The following SPIDR variants were observed in gnomAD, a reference collection of about 807,000 sequenced individuals.
SPIDR encodes the protein DNA repair-scaffolding protein.
SPIDR carries 93 observed loss-of-function variants against 104.6 expected under a neutral mutation model. The observed-to-expected ratio is 0.89, with a 90% CI of 0.75 to 1.06. SPIDR has a LOEUF of 1.06. Ranked by LOEUF, SPIDR falls within the 50% of genes least tolerant of loss-of-function variation. The pLI, the probability that SPIDR is intolerant of heterozygous loss-of-function variation, is 0.00. For synonymous variants in SPIDR, 431 were observed against 416.9 expected (o/e 1.03, Z -0.41); for missense variants, 1,154 against 1,111.2 (o/e 1.04, Z -0.55).
intron 7 of SPIDR, among the ~76,000 whole-genome samples, chr8:47,423,133 G>T (rs374851818): frequency 4.6e-5 from 7 of 151,796 alleles, no homozygotes; most frequent in Non-Finnish European, 1.0e-4. Context: ...GTGAAACCCC[G>T]TCTCTTCTAA....
chr8:47,696,127 G>A (rs540308348), intron 11 of SPIDR, among the ~76,000 whole-genome samples: 14 of 152,288 alleles, frequency 9.2e-5, no homozygotes, highest in Middle Eastern at 3.4e-3. Flanking sequence ...CTTTCTTGTC[G>A]CACGATGGGA....
At chr8:47,438,955 A>T (rs908945994) in intron 7 of SPIDR, among the ~76,000 whole-genome samples, 25 of 152,326 alleles carry the variant, frequency 1.6e-4, no homozygotes, top group African/African-American at 5.8e-4. Flanking sequence ...TTCACTATTA[A>T]CCTAGTTGGC....
intron 8 of SPIDR, among the ~76,000 whole-genome samples, chr8:47,452,190 TA>T (rs2071915011): frequency 6.6e-6 from 1 of 152,128 alleles, no homozygotes. Context: ...ACTTGCTACG[TA>T]TAAGGGATCC....
chr8:47,633,566 A>AAC lies in SPIDR; in HGVS notation c.1544+34371_1544+34372insCA, dbSNP rs1554527396. Among the ~76,000 whole-genome samples the AAC allele has an allele frequency of 2.6e-5, 4 of 151,156 alleles. No individual in the cohort carries two copies. In the South Asian group the frequency reaches 6.3e-4, roughly 24 times the overall value. On this transcript the variant is annotated intron_variant, in intron 10 of 19. Coordinates refer to ENST00000297423, the MANE Select transcript of SPIDR (RefSeq NM_001080394.4). Reference sequence around the variant, plus strand: ...TAGATATGCAAATGATTGAAAAAAAAAAAAAAACAAAAACCAAGCATGGTG... The same window carrying AAC: ...TAGATATGCAAATGATTGAAAAAAAAACAAAAAAACAAAAACCAAGCATGGTG...
At chr8:47,300,073 T>G (rs2041762440) in intron 5 of SPIDR, among the ~76,000 whole-genome samples, 1 of 152,214 alleles carries the variant, frequency 6.6e-6, no homozygotes, top group South Asian at 2.1e-4. Flanking sequence ...TGTGAATCCG[T>G]CTGGTCCTGG....
Position 47,715,075 on chromosome 8 carries a change from G to A in SPIDR, c.2341+1434G>A, listed in dbSNP as rs894247622. Reference sequence around the variant, plus strand: ...CCATACCCGTTATCATTCACGCCCCGTTACCACCCACCCTCCCACACCCTA... The same window carrying A: ...CCATACCCGTTATCATTCACGCCCCATTACCACCCACCCTCCCACACCCTA... On this transcript the variant is annotated intron_variant, in intron 16 of 19. Coordinates refer to ENST00000297423, the MANE Select transcript of SPIDR (RefSeq NM_001080394.4). Among the ~76,000 whole-genome samples, 16 of 151,980 alleles carry A rather than the reference G, an allele frequency of 1.1e-4. No homozygotes were observed. In the South Asian group the frequency reaches 1.5e-3, roughly 14 times the overall value.
intron 4 of SPIDR, among the ~76,000 whole-genome samples, chr8:47,292,226 C>A (rs950644987): frequency 6.6e-6 from 1 of 152,076 alleles, no homozygotes; most frequent in Non-Finnish European, 1.5e-5. Flanking sequence ...TAACTCTTGA[C>A]GGTTCATGTT....
At chr8:47,526,844 A>G (rs1448112952) in intron 8 of SPIDR, among the ~76,000 whole-genome samples, 2 of 152,184 alleles carry the variant, frequency 1.3e-5, no homozygotes. Context: ...TTCATCAGAG[A>G]ATTGTCACAG....
Position 47,595,803 on chromosome 8 carries a change from T to G in SPIDR, c.1098-8T>G. 6.2e-7 allele frequency: 1 copy of G among 1,613,246 alleles called. No individual in the cohort carries two copies. Among genetic ancestry groups the G allele is most frequent in the Non-Finnish European group, 8.5e-7 (1 of 1,179,726 alleles). On this transcript the variant is annotated splice_region_variant and splice_polypyrimidine_tract_variant and intron_variant, in intron 8 of 19. Transcript: ENST00000297423. The stretch of plus-strand genomic sequence containing the variant: ...AAAGAAACTGTTGCATGTCTTTCTC[T>G]TTTCCAGGCAAAAACTGATTATTCC...
At chr8:47,666,909 A>G (rs1039162794) in intron 10 of SPIDR, among the ~76,000 whole-genome samples, 1 of 152,238 alleles carries the variant, frequency 6.6e-6, no homozygotes, top group Non-Finnish European at 1.5e-5. Context: ...GATAATAAAA[A>G]TACTAAATAT....
intron 5 of SPIDR, chr8:47,330,935 T>C (rs1235597464): frequency 2.8e-6 from 1 of 353,968 alleles, no homozygotes; most frequent in African/African-American, 2.1e-5. Flanking sequence ...TGCCAAACTG[T>C]CTTCCAAAGT....
chr8:47,502,628 C>CT (rs2080716189), intron 8 of SPIDR, among the ~76,000 whole-genome samples: 1 of 152,184 alleles, frequency 6.6e-6, no homozygotes, highest in Non-Finnish European at 1.5e-5. Flanking sequence ...TTTCGTGTCT[C>CT]TATTTCCTTC....
chr8:47,587,671 T>C (rs2060414496), intron 8 of SPIDR, among the ~76,000 whole-genome samples: 1 of 150,360 alleles, frequency 6.7e-6, no homozygotes, highest in Non-Finnish European at 1.5e-5. Context: ...AGTGTATCTG[T>C]GGTCCCATCT....
At chr8:47,276,596 G>A (rs2036478132) in intron 1 of SPIDR, among the ~76,000 whole-genome samples, 2 of 152,184 alleles carry the variant, frequency 1.3e-5, no homozygotes, top group African/African-American at 2.4e-5. Flanking sequence ...TAATCAAAGG[G>A]AAAACAATTT....
At chr8:47,571,448 G>A (rs1226128894) in intron 8 of SPIDR, among the ~76,000 whole-genome samples, 2 of 151,742 alleles carry the variant, frequency 1.3e-5, no homozygotes, top group East Asian at 3.9e-4. Context: ...GGGGGAGGAG[G>A]AAATAAAATA....
chr8:47,449,702 T>C lies in SPIDR; in HGVS notation c.1097+9160T>C, dbSNP rs182746111. 1.6e-4 allele frequency among the ~76,000 whole-genome samples: 24 copies of C among 152,274 alleles called. No individual in the cohort carries two copies. The East Asian group carries it at 4.3e-3, about 27-fold the overall frequency. ...ATGCAGTATGAAAAGGGAAAAGATA[T>C]AGACTATGAGGATAATCTGGATAAT... On this transcript the variant is annotated intron_variant, in intron 8 of 19. Coordinates refer to ENST00000297423, the MANE Select transcript of SPIDR (RefSeq NM_001080394.4).
chr8:47,421,417 G>T (rs1588493151), intron 7 of SPIDR, among the ~76,000 whole-genome samples: 1 of 152,180 alleles, frequency 6.6e-6, no homozygotes, highest in East Asian at 1.9e-4. Flanking sequence ...ACTGAGGCTT[G>T]TGGGTTCGTC....
At chr8:47,502,396 C>A (rs899169569) in intron 8 of SPIDR, among the ~76,000 whole-genome samples, 2 of 152,268 alleles carry the variant, frequency 1.3e-5, no homozygotes, top group Non-Finnish European at 1.5e-5. Flanking sequence ...GGAATTTATC[C>A]ATTTCTTCTA....
intron 10 of SPIDR, among the ~76,000 whole-genome samples, chr8:47,626,862 A>G (rs1331765007): frequency 1.3e-5 from 2 of 152,282 alleles, no homozygotes; most frequent in East Asian, 3.9e-4. Flanking sequence ...TAGAAATACC[A>G]TTTGACCCAG....
Sources: allele counts gnomAD v4.1 joint callset (sites outside exome capture counted in the v4.1 genomes callset), GRCh38; gene constraint gnomAD v4.1.1; transcripts MANE v1.5; gene names NCBI Gene and HGNC (gene_info 2026-07-23, HGNC 2026-07-21).